The following DLG2 variants were observed in gnomAD, a reference collection of about 807,000 sequenced individuals.
DLG2 encodes the protein disks large homolog 2.
DLG2 carries 45 observed loss-of-function variants against 132.5 expected under a neutral mutation model. The ratio of observed to expected loss-of-function variants is 0.34; its 90% CI spans 0.27 to 0.44. The LOEUF (loss-of-function observed/expected upper bound fraction) is 0.44. Ranked by LOEUF, DLG2 falls within the 20% of genes least tolerant of loss-of-function variation. DLG2 has a pLI of 1.00. For synonymous variants in DLG2, 424 were observed against 419.6 expected, an observed-to-expected ratio of 1.01 and a Z score of -0.13; for missense variants, 1,045 against 1,196.9, an observed-to-expected ratio of 0.87 and a Z score of 1.87.
chr11:85,592,797 T>A (rs80262373), intron 3 of DLG2, among the ~76,000 whole-genome samples: 28,968 of 151,260 alleles, frequency 0.19, 3,732 homozygotes, highest in African/African-American at 0.35. Context: ...CAAAAAAAAT[T>A]CAAAAATTAG....
chr11:85,492,323 C>A (rs1196756936), intron 3 of DLG2, among the ~76,000 whole-genome samples: 1 of 152,082 alleles, frequency 6.6e-6, no homozygotes, highest in Non-Finnish European at 1.5e-5. Flanking sequence ...ATTTCTCAAT[C>A]AAAAAATTGT....
chr11:85,566,983 C>A (rs2077565508), intron 3 of DLG2, among the ~76,000 whole-genome samples: 1 of 152,102 alleles, frequency 6.6e-6, no homozygotes, highest in Non-Finnish European at 1.5e-5. Context: ...GGTGACCACA[C>A]ATGTATGGTT....
intron 6 of DLG2, among the ~76,000 whole-genome samples, chr11:84,921,712 TGAG>T (rs777421505): frequency 7.7e-4 from 117 of 152,262 alleles, no homozygotes; most frequent in Non-Finnish European, 1.3e-3. Context: ...TTCAAAAAGA[TGAG>T]GAGGGAAAAC....
At chr11:84,077,729 C>A (rs2096848726) in intron 10 of DLG2, among the ~76,000 whole-genome samples, 1 of 152,090 alleles carries the variant, frequency 6.6e-6, no homozygotes. Flanking sequence ...GATTTGAAGT[C>A]CACGCTCACA....
At chr11:84,359,715 G>A (rs771054262) in intron 7 of DLG2, among the ~76,000 whole-genome samples, 2 of 151,778 alleles carry the variant, frequency 1.3e-5, no homozygotes, top group Non-Finnish European at 2.9e-5. Context: ...TCCTATCAAT[G>A]AGTGAGGGAT....
At chr11:83,961,098 AC>A (rs1476730585) in intron 14 of DLG2, among the ~76,000 whole-genome samples, 2 of 152,116 alleles carry the variant, frequency 1.3e-5, no homozygotes, top group East Asian at 3.9e-4. Flanking sequence ...TAAATAGATA[AC>A]ATTCGTTGAG....
At chr11:83,675,249 C>T (rs2077483080) in intron 18 of DLG2, among the ~76,000 whole-genome samples, 2 of 152,202 alleles carry the variant, frequency 1.3e-5, no homozygotes, top group Admixed American at 1.3e-4. Flanking sequence ...ATCCAGAAAT[C>T]AGAGTGAAGT....
chr11:83,751,174 G>T (rs982380761), intron 18 of DLG2, among the ~76,000 whole-genome samples: 3 of 152,170 alleles, frequency 2.0e-5, no homozygotes, highest in African/African-American at 7.2e-5. Context: ...GAAGAAAGGT[G>T]GTTATGCAGA....
intron 4 of DLG2, among the ~76,000 whole-genome samples, chr11:85,201,106 G>T (rs893940172): frequency 1.3e-5 from 2 of 152,042 alleles, no homozygotes; most frequent in Non-Finnish European, 2.9e-5. Context: ...ATCTGTGCAG[G>T]GACTTGCAGG....
intron 6 of DLG2, among the ~76,000 whole-genome samples, chr11:85,079,543 G>T (rs2066980403): frequency 6.6e-6 from 1 of 150,896 alleles, no homozygotes; most frequent in African/African-American, 2.4e-5. Context: ...TTTGCCAGAG[G>T]CAACATCAAT....
chr11:85,142,593 T>C (rs887899549), intron 5 of DLG2, among the ~76,000 whole-genome samples: 1 of 151,826 alleles, frequency 6.6e-6, no homozygotes, highest in Non-Finnish European at 1.5e-5. Context: ...GGACTTCCAG[T>C]GCTATATTGA....
At chr11:84,777,311 A>ACG (rs1172787217) in intron 6 of DLG2, among the ~76,000 whole-genome samples, 8 of 130,870 alleles carry the variant, frequency 6.1e-5, no homozygotes, top group African/African-American at 2.4e-4. Context: ...ATATATATAT[A>ACG]TATATATATA....
chr11:83,514,096 T>C (rs868202374), intron 21 of DLG2, among the ~76,000 whole-genome samples: 2,153 of 152,302 alleles, frequency 0.014, 53 homozygotes, highest in African/African-American at 0.05. Flanking sequence ...GGGGATGGCA[T>C]TGAATCTATA....
chr11:85,537,002 C>A (rs2075632394), intron 3 of DLG2, among the ~76,000 whole-genome samples: 1 of 152,166 alleles, frequency 6.6e-6, no homozygotes, highest in African/African-American at 2.4e-5. Context: ...ATTGTAAATG[C>A]ATCAATCAGC....
intron 6 of DLG2, among the ~76,000 whole-genome samples, chr11:84,593,084 A>G (rs577392757): frequency 6.7e-6 from 1 of 149,166 alleles, no homozygotes; most frequent in Non-Finnish European, 1.5e-5. Context: ...GTGCCACTGC[A>G]CTCCAGCCTG....
intron 9 of DLG2, among the ~76,000 whole-genome samples, chr11:84,110,669 G>A (rs1023620383): frequency 2.0e-5 from 3 of 152,098 alleles, no homozygotes; most frequent in Non-Finnish European, 2.9e-5. Context: ...CAGAGAAAAG[G>A]CCCCACCTGA....
intron 7 of DLG2, among the ~76,000 whole-genome samples, chr11:84,369,818 A>G (rs1188201159): frequency 6.6e-6 from 1 of 152,154 alleles, no homozygotes; most frequent in African/African-American, 2.4e-5. Context: ...AGGATATGAA[A>G]TATGTATTGA....
chr11:85,215,161 G>A (rs900929688), intron 4 of DLG2, among the ~76,000 whole-genome samples: 1 of 152,100 alleles, frequency 6.6e-6, no homozygotes, highest in Non-Finnish European at 1.5e-5. Context: ...CATAATTTAA[G>A]CCTGCTAAAA....
At chr11:84,971,809 A>T (rs2054138395) in intron 6 of DLG2, among the ~76,000 whole-genome samples, 1 of 152,188 alleles carries the variant, frequency 6.6e-6, no homozygotes, top group Admixed American at 6.6e-5. Context: ...GTTGTACTGA[A>T]TAAATTAAGG....
Sources: gnomAD v4.1 joint callset for allele counts (sites outside exome capture counted in the v4.1 genomes callset) on GRCh38, gnomAD v4.1.1 for gene constraint, MANE v1.5 for transcripts, NCBI Gene and HGNC (gene_info 2026-07-23, HGNC 2026-07-21) for gene names.